The following ADGRA3 variants were observed in gnomAD, a reference collection of about 807,000 sequenced individuals.
The protein encoded by ADGRA3 is adhesion G protein-coupled receptor A3.
In ADGRA3, 56 loss-of-function variants were observed where a neutral mutation model predicts 119.8. The observed-to-expected ratio is 0.47, with a 90% CI of 0.38 to 0.58. ADGRA3 has a LOEUF of 0.58. ADGRA3 is among the 20% of genes least tolerant of loss of function. The probability of loss-of-function intolerance (pLI) is 0.00; values close to 1 mark genes in which losing one functional copy is unlikely to be tolerated. For synonymous variants in ADGRA3, 607 were observed against 623.8 expected (o/e 0.97, Z 0.40); for missense variants, 1,516 against 1,649.0 (o/e 0.92, Z 1.40).
chr4:22,415,509 G>A (rs1312930886), intron 12 of ADGRA3, among the ~76,000 whole-genome samples: 1 of 151,980 alleles, frequency 6.6e-6, no homozygotes, highest in Non-Finnish European at 1.5e-5. Flanking sequence ...TTTCCATTAA[G>A]TACACAAATT....
At position 22,508,494 on chromosome 4, in the gene ADGRA3, T is replaced by C. The variant is rs190987579; in HGVS notation, c.257+7034A>G. On this transcript the variant is annotated intron_variant, in intron 1 of 18. Coordinates refer to ENST00000334304, the MANE Select transcript of ADGRA3 (RefSeq NM_145290.4). ...GTAACACTGCCTCAACCGATGTCCA[T>C]GGAAAAAGTAATCTGTGCTGGGTAT... 2.5e-4 allele frequency among the ~76,000 whole-genome samples: 38 copies of C among 152,288 alleles called. No homozygotes were observed. In the East Asian group the frequency reaches 4.1e-3, roughly 16 times the overall value.
chr4:22,430,384 G>A (rs139836364), intron 10 of ADGRA3, among the ~76,000 whole-genome samples: 1,713 of 152,240 alleles, frequency 0.011, 46 homozygotes, highest in East Asian at 0.043. Flanking sequence ...GTAGGTCCAG[G>A]CTGAGGTGGT....
intron 1 of ADGRA3, among the ~76,000 whole-genome samples, chr4:22,474,107 T>C (rs1717956487): frequency 6.6e-6 from 1 of 152,206 alleles, no homozygotes; most frequent in Non-Finnish European, 1.5e-5. Context: ...CAATATGTAA[T>C]AGCTCTAAGT....
intron 1 of ADGRA3, among the ~76,000 whole-genome samples, chr4:22,503,778 A>G (rs1451113323): frequency 6.6e-6 from 1 of 152,146 alleles, no homozygotes; most frequent in East Asian, 1.9e-4. Flanking sequence ...CTAATCACAT[A>G]CTGTGTATGA....
At chr4:22,494,495 T>G (rs1718742786) in intron 1 of ADGRA3, among the ~76,000 whole-genome samples, 1 of 151,894 alleles carries the variant, frequency 6.6e-6, no homozygotes, top group Admixed American at 6.6e-5. Context: ...CATCCTAAAT[T>G]TTTTCTTGCA....
rs1472737218 is a variant in ADGRA3, at chr4:22,397,201, G to C, written c.2481+4230C>G. Among the ~76,000 whole-genome samples, 3 of 62,504 alleles carry C rather than the reference G, an allele frequency of 4.8e-5. No homozygotes were observed. In the South Asian group the frequency reaches 1.7e-3, roughly 35 times the overall value. The allele number at this position is 62,504 out of a possible 152,430, so 41.0% of individuals were successfully genotyped here. A position where few individuals can be genotyped will look rare whatever the true frequency, so the allele number is the denominator to read the frequency against. ...TTTTTTTTTTTTTTTTTTTTTTTTT[G>C]AGATGGAGTCTCGCTCTGTCATCAG... On this transcript the variant is annotated intron_variant, in intron 16 of 18. Transcript: ENST00000334304.
intron 2 of ADGRA3, among the ~76,000 whole-genome samples, chr4:22,469,596 G>A (rs1029263423): frequency 2.0e-5 from 3 of 152,142 alleles, no homozygotes; most frequent in Non-Finnish European, 4.4e-5. Flanking sequence ...GTCTCCATGT[G>A]GAAGCCTAAC....
Position 22,402,727 on chromosome 4 carries a change from T to A in ADGRA3, c.2305A>T (p.Ile769Phe). 4 of 1,613,830 alleles carry A rather than the reference T, an allele frequency of 2.5e-6. No individual in the cohort carries two copies. The highest frequency in any genetic ancestry group is 2.7e-5 in the African/African-American group (2 of 75,020). ...LHPVVYTTAI[I>F]LLLCLLAVIV... Reference sequence around the variant, plus strand: ...ACGGCTAAGAGACATAAGAGGAGAATGATAGCGGTAGTATAAACCACAGGA... The same window carrying A: ...ACGGCTAAGAGACATAAGAGGAGAAAGATAGCGGTAGTATAAACCACAGGA... The change falls in exon 15 of 19, where the codon ATT becomes TTT. Residue 769 changes from isoleucine (I) to phenylalanine (F), a missense_variant. Ile to Phe is a conservative substitution (Grantham distance 21). This residue lies in a region of ADGRA3 where 1,088 missense variants were observed against 1,107.1 expected (regional missense o/e 0.98). Transcript: ENST00000334304.
At chr4:22,478,013 A>G (rs1718112815) in intron 1 of ADGRA3, 1 of 152,224 alleles carries the variant, frequency 6.6e-6, no homozygotes, top group Admixed American at 6.5e-5. Context: ...TCTAGGAGGT[A>G]AGTAAATGAA....
intron 1 of ADGRA3, among the ~76,000 whole-genome samples, chr4:22,484,519 C>T (rs950036713): frequency 6.6e-6 from 1 of 151,402 alleles, no homozygotes; most frequent in Non-Finnish European, 1.5e-5. Flanking sequence ...GCAAGAGAAT[C>T]GCTTGAGCCC....
chr4:22,448,112 G>A lies in ADGRA3; in HGVS notation c.474-601C>T, dbSNP rs78261498. On this transcript the variant is annotated intron_variant, in intron 4 of 18. Transcript: ENST00000334304. The stretch of plus-strand genomic sequence containing the variant: ...ACCTGAGTCTCGCAGCGTTTTGAAT[G>A]AATGGAACTCAGAAACCCCTATTCT... Among the ~76,000 whole-genome samples the A allele has an allele frequency of 1.8e-4, 28 of 152,242 alleles. No individual in the cohort carries two copies. The East Asian group carries it at 5.2e-3, about 28-fold the overall frequency.
chr4:22,474,580 T>C (rs978805939), intron 1 of ADGRA3, among the ~76,000 whole-genome samples: 2 of 152,152 alleles, frequency 1.3e-5, no homozygotes, highest in Non-Finnish European at 2.9e-5. Context: ...ATATCAATAA[T>C]GAGCATCCAT....
chr4:22,443,028 A>G lies in ADGRA3; in HGVS notation c.707-165T>C, dbSNP rs756212174. On this transcript the variant is annotated intron_variant, in intron 6 of 18. Transcript: ENST00000334304. ...AACCAGGCTGCTACTGAGTTTAGTG[A>G]TAACAGATTAAAACAAAATTAAAAA... is the stretch of plus-strand genomic sequence containing the variant. The G allele has an allele frequency of 3.2e-5, 22 of 685,884 alleles. 1 individual carries two copies. The highest frequency in any genetic ancestry group is 1.5e-4 in the South Asian group (9 of 58,412). 42.5% of individuals were successfully genotyped at this position (685,884 alleles called of 1,614,324 possible). A position where few individuals can be genotyped will look rare whatever the true frequency, so the allele number is the denominator to read the frequency against.
chr4:22,481,607 G>A (rs1020397867), intron 1 of ADGRA3, among the ~76,000 whole-genome samples: 16 of 152,082 alleles, frequency 1.1e-4, no homozygotes, highest in Non-Finnish European at 2.9e-5. Flanking sequence ...TTATTTGTAT[G>A]TTTTTGTGAA....
chr4:22,511,895 CTTTTTTTTT>C lies in ADGRA3; in HGVS notation c.257+3624_257+3632del, dbSNP rs5856700. Among the ~76,000 whole-genome samples the C allele has an allele frequency of 3.3e-3, 342 of 102,628 alleles. 5 individuals are homozygous for C. The highest frequency in any genetic ancestry group is 0.013 in the African/African-American group (325 of 25,030). The allele number at this position is 102,628 out of a possible 152,430, so 67.3% of individuals were successfully genotyped here. A position where few individuals can be genotyped will look rare whatever the true frequency, so the allele number is the denominator to read the frequency against. ...TTCACAGTTATATTTTTCTTTCTTT[CTTTTTTTTT>C]TTTTTTTTTTGAGACAGAGTCTCAC... On this transcript the variant is annotated intron_variant, in intron 1 of 18. Coordinates refer to ENST00000334304, the MANE Select transcript of ADGRA3 (RefSeq NM_145290.4).
At chr4:22,498,564 G>A (rs902933878) in intron 1 of ADGRA3, among the ~76,000 whole-genome samples, 2 of 151,974 alleles carry the variant, frequency 1.3e-5, no homozygotes, top group Non-Finnish European at 2.9e-5. Context: ...GTTGTAGTAA[G>A]CCGAGATTGT....
rs771248226 is a variant in ADGRA3 at position 22,420,867 on chromosome 4, A to T, written c.1809+19T>A. On this transcript the variant is annotated intron_variant, in intron 12 of 18. Coordinates refer to ENST00000334304, the MANE Select transcript of ADGRA3 (RefSeq NM_145290.4). ...ATTTAACTGTAAATAGTCTTAAATG[A>T]TTGCAGAATGTAACATACCTTTAGT... The T allele has an allele frequency of 9.4e-6, 15 of 1,603,662 alleles. No individual in the cohort carries two copies. Among genetic ancestry groups the T allele is most frequent in the Non-Finnish European group, 1.3e-5 (15 of 1,170,392 alleles).
At chr4:22,500,876 T>G (rs1719026695) in intron 1 of ADGRA3, among the ~76,000 whole-genome samples, 1 of 152,140 alleles carries the variant, frequency 6.6e-6, no homozygotes, top group South Asian at 2.1e-4. Context: ...CTACTTTAAG[T>G]GGGCATCTTC....
At chr4:22,411,852 C>T (rs1448730714) in intron 14 of ADGRA3, among the ~76,000 whole-genome samples, 4 of 151,848 alleles carry the variant, frequency 2.6e-5, no homozygotes, top group Non-Finnish European at 5.9e-5. Flanking sequence ...TCAATTATGT[C>T]AATGAAAAGA....
Sources: allele counts gnomAD v4.1 joint callset (sites outside exome capture counted in the v4.1 genomes callset), GRCh38; gene constraint gnomAD v4.1.1; regional missense constraint gnomAD v4.1.1; transcripts MANE v1.5; gene names NCBI Gene and HGNC (gene_info 2026-07-23, HGNC 2026-07-21).